The following PXDNL variants were observed in gnomAD, a reference collection of about 807,000 sequenced individuals.
The protein encoded by PXDNL is probable oxidoreductase PXDNL.
A neutral mutation model predicts 150.8 loss-of-function variants in PXDNL; 145 were observed. That is an observed-to-expected ratio of 0.96 (90% CI 0.84 to 1.10). The LOEUF is 1.10. PXDNL is among the 50% of genes least tolerant of loss of function. The pLI, the probability that PXDNL is intolerant of heterozygous loss-of-function variation, is 0.00. For synonymous variants in PXDNL, 757 were observed against 725.7 expected (o/e 1.04, Z -0.69); for missense variants, 2,087 against 1,873.9 (o/e 1.11, Z -2.10).
rs1586114197 is a variant in PXDNL, at chr8:51,447,171, A to G, written c.1367-9T>C. The G allele has an allele frequency of 2.5e-6, 4 of 1,612,684 alleles. No individual in the cohort carries two copies. Among genetic ancestry groups the G allele is most frequent in the East Asian group, 2.2e-5 (1 of 44,830 alleles). ...CACAGGGAGCTGCCCTCCTGCAAAA[A>G]GAGGTAAAGAAAGTATTCTTCATGG... On this transcript the variant is annotated splice_polypyrimidine_tract_variant and intron_variant, in intron 11 of 22. Transcript: ENST00000356297.
chr8:51,779,696 G>T (rs997818692), intron 1 of PXDNL, among the ~76,000 whole-genome samples: 4 of 152,220 alleles, frequency 2.6e-5, no homozygotes, highest in Admixed American at 2.6e-4. Context: ...TGACAATTGT[G>T]CATGTTCTTG....
intron 1 of PXDNL, among the ~76,000 whole-genome samples, chr8:51,717,848 A>C (rs183182776): frequency 2.8e-3 from 424 of 152,274 alleles, no homozygotes; most frequent in Non-Finnish European, 3.7e-3. Flanking sequence ...GGGAACGAGA[A>C]TGGATGCTGG....
intron 17 of PXDNL, among the ~76,000 whole-genome samples, chr8:51,386,269 T>C (rs1461185303): frequency 6.6e-6 from 1 of 152,040 alleles, no homozygotes; most frequent in African/African-American, 2.4e-5. Context: ...ATTTTTGTAT[T>C]TTTAGTAGAG....
intron 1 of PXDNL, among the ~76,000 whole-genome samples, chr8:51,663,460 CAAA>C (rs1356253989): frequency 6.6e-6 from 1 of 152,090 alleles, no homozygotes; most frequent in Non-Finnish European, 1.5e-5. Flanking sequence ...TTACAGCTTA[CAAA>C]CACCCTTTAT....
chr8:51,539,357 GA>G (rs1292830512), intron 4 of PXDNL, among the ~76,000 whole-genome samples: 5 of 151,588 alleles, frequency 3.3e-5, no homozygotes, highest in Admixed American at 1.3e-4. Context: ...TTATATTGCT[GA>G]ACTCAATTTT....
At chr8:51,583,075 C>A (rs1218296089) in intron 3 of PXDNL, among the ~76,000 whole-genome samples, 1 of 152,118 alleles carries the variant, frequency 6.6e-6, no homozygotes, top group East Asian at 1.9e-4. Flanking sequence ...TCACAGGGAA[C>A]CAAAGTAAAT....
chr8:51,345,436 T>A (rs1447272451), intron 20 of PXDNL, among the ~76,000 whole-genome samples: 1 of 152,218 alleles, frequency 6.6e-6, no homozygotes, highest in East Asian at 1.9e-4. Context: ...TGCCATATAT[T>A]ATTCATGAAT....
intron 1 of PXDNL, among the ~76,000 whole-genome samples, chr8:51,673,385 T>A (rs1585664584): frequency 6.6e-6 from 1 of 152,306 alleles, no homozygotes; most frequent in Admixed American, 6.5e-5. Flanking sequence ...TTTTACTCTG[T>A]TACATTTTCC....
intron 3 of PXDNL, among the ~76,000 whole-genome samples, chr8:51,563,819 T>A (rs1812761934): frequency 6.6e-6 from 1 of 152,010 alleles, no homozygotes; most frequent in Non-Finnish European, 1.5e-5. Context: ...CTGTGTGGTA[T>A]CATGCTCTGC....
intron 2 of PXDNL, among the ~76,000 whole-genome samples, chr8:51,637,255 A>C (rs1300818225): frequency 6.6e-6 from 1 of 152,206 alleles, no homozygotes; most frequent in African/African-American, 2.4e-5. Flanking sequence ...GGGGAAAAAA[A>C]CAGAGCAGAA....
At chr8:51,797,981 A>G (rs1334981689) in intron 1 of PXDNL, among the ~76,000 whole-genome samples, 1 of 152,212 alleles carries the variant, frequency 6.6e-6, no homozygotes, top group Non-Finnish European at 1.5e-5. Context: ...AAACAGACAC[A>G]TAGACCAATG....
intron 2 of PXDNL, among the ~76,000 whole-genome samples, chr8:51,621,448 CTGTGTGTGTGTGTGTGTG>C (rs10531050): frequency 1.6e-3 from 224 of 142,248 alleles, no homozygotes; most frequent in Non-Finnish European, 2.9e-3. Context: ...GTGTGTGTGT[CTGTGTGTGTGTGTGTGTG>C]TGTGTGTGTG....
chr8:51,411,524 C>T, intron 15 of PXDNL, 117 bp from the exon 16 acceptor site: 2 of 917,138 alleles, frequency 2.2e-6, no homozygotes, highest in Non-Finnish European at 3.1e-6. Context: ...ATGAAAGCTC[C>T]ACCACTACAA....
intron 20 of PXDNL, 87 bp from the exon 21 acceptor site, chr8:51,339,840 TG>T: frequency 2.2e-6 from 3 of 1,386,286 alleles, no homozygotes; most frequent in Non-Finnish European, 3.0e-6. Context: ...TTTGGTCATT[TG>T]GCATGTACAA....
intron 2 of PXDNL, among the ~76,000 whole-genome samples, chr8:51,627,081 G>T (rs774585991): frequency 6.6e-6 from 1 of 152,152 alleles, no homozygotes; most frequent in Non-Finnish European, 1.5e-5. Flanking sequence ...GGATATTTTT[G>T]ATTTGGGTAA....
intron 1 of PXDNL, among the ~76,000 whole-genome samples, chr8:51,724,782 G>A (rs148683808): frequency 0.022 from 3,329 of 152,166 alleles, 50 homozygotes; most frequent in Non-Finnish European, 0.032. Context: ...GCTTTTTATC[G>A]TCTAAGGATC....
At chr8:51,614,582 A>G (rs1296359169) in intron 2 of PXDNL, among the ~76,000 whole-genome samples, 1 of 152,204 alleles carries the variant, frequency 6.6e-6, no homozygotes, top group Non-Finnish European at 1.5e-5. Flanking sequence ...TTACTTCCTC[A>G]GTTAAACTCT....
At chr8:51,438,812 G>GT (rs143394469) in intron 12 of PXDNL, among the ~76,000 whole-genome samples, 10,371 of 152,204 alleles carry the variant, frequency 0.068, 480 homozygotes, top group Non-Finnish European at 0.091. Context: ...AAACAAAAAC[G>GT]TAAAGTGGGG....
chr8:51,593,331 C>A (rs1185790520), intron 2 of PXDNL, among the ~76,000 whole-genome samples: 1 of 152,046 alleles, frequency 6.6e-6, no homozygotes, highest in African/African-American at 2.4e-5. Context: ...AGTAAAAGCA[C>A]CCTGGCAAAT....
Sources: allele counts gnomAD v4.1 joint callset (sites outside exome capture counted in the v4.1 genomes callset), GRCh38; gene constraint gnomAD v4.1.1; transcripts MANE v1.5; gene names NCBI Gene and HGNC (gene_info 2026-07-23, HGNC 2026-07-21).